DCN: variants seen among roughly 807,000 people sequenced by gnomAD.
The protein encoded by DCN is decorin.
A neutral mutation model predicts 36.5 loss-of-function variants in DCN; 17 were observed. The ratio of observed to expected loss-of-function variants is 0.47; its 90% CI spans 0.32 to 0.70. The LOEUF (loss-of-function observed/expected upper bound fraction) is 0.70, where lower values mean the gene tolerates loss of function less well. Ranked by LOEUF, DCN falls within the 30% of genes least tolerant of loss-of-function variation. The pLI is 0.04. For missense variants in DCN, 389 were observed against 430.1 expected, an observed-to-expected ratio of 0.90 and a Z score of 0.84; for synonymous variants, 163 against 161.4, an observed-to-expected ratio of 1.01 and a Z score of -0.07.
At chr12:91,160,570 A>T (rs982724195) in intron 3 of DCN, among the ~76,000 whole-genome samples, 5 of 152,092 alleles carry the variant, frequency 3.3e-5, no homozygotes, top group Admixed American at 6.5e-5. Flanking sequence ...TTGGCCTGTG[A>T]CTATGAGCAT....
intron 3 of DCN, among the ~76,000 whole-genome samples, chr12:91,164,320 A>G (rs1882359797): frequency 6.7e-6 from 1 of 149,898 alleles, no homozygotes; most frequent in African/African-American, 2.5e-5. Context: ...TACATATGTA[A>G]CTAACCTGCA....
rs1190709379 is a variant in DCN, at chr12:91,144,746, G to A, written c.*1312C>T. ...TGCCTCCCCACCAAATCTTGCTCTT[G>A]AACTATTATGCATCTATGGAAACCC... On this transcript the variant is annotated 3_prime_UTR_variant, in exon 8 of 8. Transcript: ENST00000052754. The A allele has an allele frequency of 6.6e-6, 1 of 151,980 alleles. No individual in the cohort carries two copies. The highest frequency in any genetic ancestry group is 1.5e-5 in the Non-Finnish European group (1 of 68,020). The allele number at this position is 151,980 out of a possible 1,614,324, so 9.4% of individuals were successfully genotyped here. A position where few individuals can be genotyped will look rare whatever the true frequency, so the allele number is the denominator to read the frequency against.
intron 2 of DCN, among the ~76,000 whole-genome samples, chr12:91,170,544 A>G (rs1043858370): frequency 6.6e-6 from 1 of 152,180 alleles, no homozygotes; most frequent in African/African-American, 2.4e-5. Flanking sequence ...GAAGCACATG[A>G]TCCCCAATGA....
intron 7 of DCN, among the ~76,000 whole-genome samples, chr12:91,149,604 G>A (rs1326677193): frequency 1.3e-5 from 2 of 152,126 alleles, no homozygotes; most frequent in East Asian, 3.9e-4. Flanking sequence ...CAATGCAAAG[G>A]GTGGGTTGTG....
chr12:91,163,900 TTG>T (rs1882324009), intron 3 of DCN, among the ~76,000 whole-genome samples: 1 of 152,234 alleles, frequency 6.6e-6, no homozygotes, highest in African/African-American at 2.4e-5. Context: ...TCAATCCATT[TTG>T]TGTTTTGTTC....
chr12:91,180,818 C>A (rs957464908), intron 1 of DCN: 3 of 152,050 alleles, frequency 2.0e-5, no homozygotes, highest in Non-Finnish European at 4.4e-5. Context: ...GCTAGCCTTG[C>A]ATATTTAATG....
chr12:91,152,030 T>A (rs756796205), intron 6 of DCN, among the ~76,000 whole-genome samples: 8 of 152,150 alleles, frequency 5.3e-5, no homozygotes, highest in Non-Finnish European at 8.8e-5. Flanking sequence ...TTGGACATAG[T>A]CTCCTATTCC....
chr12:91,157,697 C>T (rs1009822602), intron 4 of DCN, among the ~76,000 whole-genome samples: 42 of 151,780 alleles, frequency 2.8e-4, no homozygotes, highest in African/African-American at 9.9e-4. Flanking sequence ...GGGGCCATCT[C>T]GGCTCACTGC....
chr12:91,172,663 A>G (rs1883042207), intron 2 of DCN: 5 of 634,586 alleles, frequency 7.9e-6, no homozygotes, highest in East Asian at 5.9e-5. Context: ...TTGTTTCTCA[A>G]TCAGGCATGT....
In DCN at chr12:91,153,114, C is replaced by T. The variant is rs1280182666; in HGVS notation, c.728G>A (p.Gly243Glu). 5.6e-6 allele frequency: 9 copies of T among 1,601,566 alleles called. No homozygotes were observed. The East Asian group carries it at 1.1e-4, about 20-fold the overall frequency. The change falls in exon 6 of 8, where the codon GGA (glycine) becomes GAA (glutamate). Residue 243 changes from glycine (G) to glutamate (E), a missense_variant. Physicochemically the swap from Gly to Glu is moderately conservative, Grantham distance 98 (BLOSUM62 -2). Coordinates refer to ENST00000052754, the MANE Select transcript of DCN (RefSeq NM_001920.5). ...ISRVDAASLK[G>E]LNNLAKLGLS... is the part of the protein sequence containing the mutation. ...TTATTACTTAGCCAAATTATTCAGT[C>T]CTTTCAGGCTAGCTGCATCAACTCT... is the stretch of plus-strand genomic sequence containing the variant.
Position 91,153,201 on chromosome 12 carries a change from A to C in DCN, c.653-12T>G. 1 of 1,458,492 alleles carries C rather than the reference A, an allele frequency of 6.9e-7. No individual in the cohort carries two copies. Among genetic ancestry groups the C allele is most frequent in the Non-Finnish European group, 9.6e-7 (1 of 1,038,244 alleles). 90.3% of individuals were successfully genotyped at this position (1,458,492 alleles called of 1,614,324 possible). On this transcript the variant is annotated splice_polypyrimidine_tract_variant and intron_variant, in intron 5 of 7. Coordinates refer to ENST00000052754, the MANE Select transcript of DCN (RefSeq NM_001920.5). ...GGAAGGAGGAAGACCTGGAATGTGG[A>C]ATTAAAGATGTTAAATTAGCAGATA...
At chr12:91,164,176 T>G (rs1035318553) in intron 3 of DCN, among the ~76,000 whole-genome samples, 3 of 150,812 alleles carry the variant, frequency 2.0e-5, no homozygotes, top group Non-Finnish European at 3.0e-5. Context: ...TGAGATCACA[T>G]GGACACAGGA....
intron 2 of DCN, among the ~76,000 whole-genome samples, chr12:91,168,605 GTA>G (rs1882735629): frequency 6.6e-6 from 1 of 152,180 alleles, no homozygotes; most frequent in African/African-American, 2.4e-5. Flanking sequence ...AAGTTTATGA[GTA>G]TGGCTTTGAG....
intron 1 of DCN, among the ~76,000 whole-genome samples, chr12:91,181,276 A>T (rs1868392151): frequency 1.3e-5 from 2 of 152,088 alleles, no homozygotes; most frequent in South Asian, 4.1e-4. Context: ...CTTTGTGCAA[A>T]ATCTTCCATA....
intron 2 of DCN, among the ~76,000 whole-genome samples, chr12:91,164,944 T>C (rs1323684080): frequency 1.3e-5 from 2 of 152,238 alleles, no homozygotes; most frequent in Non-Finnish European, 2.9e-5. Flanking sequence ...CAACATGATA[T>C]TTTCCTCATG....
intron 2 of DCN, among the ~76,000 whole-genome samples, chr12:91,165,450 A>C (rs779379556): frequency 6.6e-6 from 1 of 152,168 alleles, no homozygotes; most frequent in Admixed American, 6.5e-5. Flanking sequence ...TAGTTTGTAA[A>C]TGTAAATTCA....
At chr12:91,173,457 C>T (rs1050035383) in intron 2 of DCN, among the ~76,000 whole-genome samples, 1 of 152,102 alleles carries the variant, frequency 6.6e-6, no homozygotes, top group African/African-American at 2.4e-5. Flanking sequence ...ATCTTTAACC[C>T]CTGGATTCAG....
rs1880728432 is a variant in DCN, at chr12:91,140,665, A to G, written c.*5393T>C. On this transcript the variant is annotated 3_prime_UTR_variant, in exon 8 of 8. Transcript: ENST00000052754. Reference sequence around the variant, plus strand: ...CAATCTATATTCCGGCATCTCTAGAATTTATGTCTACAGCTCAACCCTTTC... The same window carrying G: ...CAATCTATATTCCGGCATCTCTAGAGTTTATGTCTACAGCTCAACCCTTTC... 1 of 152,164 alleles carries G rather than the reference A, an allele frequency of 6.6e-6. No individual in the cohort carries two copies. The highest frequency in any genetic ancestry group is 2.4e-5 in the African/African-American group (1 of 41,446). 9.4% of individuals were successfully genotyped at this position (152,164 alleles called of 1,614,324 possible). A position where few individuals can be genotyped will look rare whatever the true frequency, so the allele number is the denominator to read the frequency against.
Position 91,180,190 on chromosome 12 carries a change from G to T in DCN, c.-33-1605C>A, listed in dbSNP as rs981341059. ...TATTTAGTCCCATCATCTCTACCTT[G>T]AATTGTACACTTAGACGAATCCATA... On this transcript the variant is annotated intron_variant, in intron 1 of 7. Coordinates refer to ENST00000052754, the MANE Select transcript of DCN (RefSeq NM_001920.5). 1.8e-4 allele frequency: 27 copies of T among 151,600 alleles called. 1 individual carries two copies. Among genetic ancestry groups the T allele is most frequent in the African/African-American group, 6.6e-4 (27 of 41,030 alleles). The allele number at this position is 151,600 out of a possible 1,614,324, so 9.4% of individuals were successfully genotyped here. A position where few individuals can be genotyped will look rare whatever the true frequency, so the allele number is the denominator to read the frequency against.
Sources: allele counts gnomAD v4.1 joint callset (sites outside exome capture counted in the v4.1 genomes callset), GRCh38; gene constraint gnomAD v4.1.1; transcripts MANE v1.5; gene names NCBI Gene and HGNC (gene_info 2026-07-23, HGNC 2026-07-21).